PRKAG2: variants seen among roughly 807,000 people sequenced by gnomAD.
PRKAG2 encodes 5'-AMP-activated protein kinase subunit gamma-2.
Under a neutral mutation model 69.6 loss-of-function variants are expected in PRKAG2, and 26 were observed. The observed-to-expected ratio is 0.37, with a 90% CI of 0.27 to 0.52. The LOEUF is 0.52. Among genes scored for constraint, PRKAG2 ranks in the 20% least tolerant of loss-of-function variants. The probability of loss-of-function intolerance (pLI) is 0.90; values close to 1 mark genes in which losing one functional copy is unlikely to be tolerated. For synonymous variants in PRKAG2, 293 were observed against 285.0 expected (o/e 1.03, Z -0.28); for missense variants, 557 against 740.0 (o/e 0.75, Z 2.87).
Position 151,700,980 on chromosome 7 carries a change from G to A in PRKAG2, c.467-25343C>T, listed in dbSNP as rs149204947. On this transcript the variant is annotated intron_variant, in intron 3 of 15. Coordinates refer to ENST00000287878, the MANE Select transcript of PRKAG2 (RefSeq NM_016203.4). ...CACAGGCGAGACCACAGAGCATTATGCAGCCTTGATGTGCCAACTGAGTCA... is the reference window on the plus strand; with the variant it reads ...CACAGGCGAGACCACAGAGCATTATACAGCCTTGATGTGCCAACTGAGTCA... Among the ~76,000 whole-genome samples, 12 of 152,350 alleles carry A rather than the reference G, an allele frequency of 7.9e-5. No homozygotes were observed. The East Asian group carries it at 1.7e-3, about 22-fold the overall frequency.
chr7:151,758,386 T>C (rs1366734914), intron 3 of PRKAG2, among the ~76,000 whole-genome samples: 1 of 152,258 alleles, frequency 6.6e-6, no homozygotes, highest in Non-Finnish European at 1.5e-5. Context: ...GTTTTGATGC[T>C]AGGAATTCTT....
At position 151,788,237 on chromosome 7, in the gene PRKAG2, T is replaced by A. The variant is rs947871266; in HGVS notation, c.115-1696A>T. On this transcript the variant is annotated intron_variant, in intron 1 of 15. Coordinates refer to ENST00000287878, the MANE Select transcript of PRKAG2 (RefSeq NM_016203.4). The surrounding 1 kb of genome is among the most constrained non-coding windows in gnomAD (Gnocchi z 4.6). ...CACCCACAGTACACAGGGTTTCAAT[T>A]TCTCCACATCCTCATCAACACTTGT... is the stretch of plus-strand genomic sequence containing the variant. 1.3e-5 allele frequency among the ~76,000 whole-genome samples: 2 copies of A among 152,180 alleles called. No individual in the cohort carries two copies. Among genetic ancestry groups the A allele is most frequent in the African/African-American group, 4.8e-5 (2 of 41,446 alleles).
intron 1 of PRKAG2, among the ~76,000 whole-genome samples, chr7:151,821,513 C>T (rs1237519062): frequency 2.6e-5 from 4 of 152,178 alleles, no homozygotes; most frequent in African/African-American, 4.8e-5. Flanking sequence ...CAGAAGGCCC[C>T]GGGCTGCCCA....
At position 151,632,401 on chromosome 7, in the gene PRKAG2, C is replaced by T. The variant is rs1410286520; in HGVS notation, c.685-263G>A. 2.0e-6 allele frequency: 1 copy of T among 502,136 alleles called. No individual in the cohort carries two copies. Among genetic ancestry groups the T allele is most frequent in the Non-Finnish European group, 2.6e-6 (1 of 389,910 alleles). 31.1% of individuals were successfully genotyped at this position (502,136 alleles called of 1,614,324 possible). A position where few individuals can be genotyped will look rare whatever the true frequency, so the allele number is the denominator to read the frequency against. Reference sequence around the variant, plus strand: ...TGGGACGCGCCGCTCCCCCCCGCGCCTTGGTACGGCCCGCCCGGGAGGAAG... The same window carrying T: ...TGGGACGCGCCGCTCCCCCCCGCGCTTTGGTACGGCCCGCCCGGGAGGAAG... On this transcript the variant is annotated intron_variant, in intron 4 of 15. Transcript: ENST00000287878. This position sits in a 1 kb window ranked among gnomAD's most constrained non-coding sequence, Gnocchi z 4.2.
chr7:151,688,666 G>A (rs778754960), intron 3 of PRKAG2, among the ~76,000 whole-genome samples: 2 of 152,178 alleles, frequency 1.3e-5, no homozygotes, highest in African/African-American at 4.8e-5. Flanking sequence ...GAAATTCCTG[G>A]TTGTTGACAA....
At chr7:151,606,487 A>G (rs1395948273) in intron 5 of PRKAG2, among the ~76,000 whole-genome samples, 1 of 152,064 alleles carries the variant, frequency 6.6e-6, no homozygotes, top group African/African-American at 2.4e-5. Flanking sequence ...AACAAAACCC[A>G]CCCAAATTGT....
intron 5 of PRKAG2, among the ~76,000 whole-genome samples, chr7:151,609,295 A>G (rs935273824): frequency 2.1e-5 from 3 of 144,928 alleles, no homozygotes; most frequent in Non-Finnish European, 4.4e-5. Context: ...ATTTTAATTT[A>G]GAAAGAATTT....
At chr7:151,674,301 C>A (rs1832552849) in intron 4 of PRKAG2, among the ~76,000 whole-genome samples, 1 of 152,174 alleles carries the variant, frequency 6.6e-6, no homozygotes, top group Non-Finnish European at 1.5e-5. Context: ...TGTAGCCCTG[C>A]CAACACCTTG....
chr7:151,784,463 T>C (rs2151812481), intron 2 of PRKAG2, among the ~76,000 whole-genome samples: 1 of 152,272 alleles, frequency 6.6e-6, no homozygotes, highest in South Asian at 2.1e-4. Flanking sequence ...GGCCCGGAGC[T>C]GAAACCTGCC....
At chr7:151,591,751 G>A (rs920533372) in intron 6 of PRKAG2, among the ~76,000 whole-genome samples, 2 of 152,160 alleles carry the variant, frequency 1.3e-5, no homozygotes, top group Non-Finnish European at 2.9e-5. Context: ...GACCCAGCAA[G>A]GTTGATATTA....
At chr7:151,596,441 A>G (rs185045369) in intron 5 of PRKAG2, among the ~76,000 whole-genome samples, 379 of 152,324 alleles carry the variant, frequency 2.5e-3, no homozygotes, top group Non-Finnish European at 4.3e-3. Flanking sequence ...TGAAAACTAT[A>G]AAACACTGAT....
chr7:151,658,526 T>C (rs865988803), intron 4 of PRKAG2, among the ~76,000 whole-genome samples: 41 of 150,080 alleles, frequency 2.7e-4, no homozygotes, highest in African/African-American at 7.3e-4. Context: ...CCAGAGCACC[T>C]ACAAAGTAAG....
At position 151,632,037 on chromosome 7, in the gene PRKAG2, C is replaced by A; in HGVS notation, c.754+32G>T. On this transcript the variant is annotated intron_variant, in intron 5 of 15. Coordinates refer to ENST00000287878, the MANE Select transcript of PRKAG2 (RefSeq NM_016203.4). The surrounding 1 kb of genome is among the most constrained non-coding windows in gnomAD (Gnocchi z 4.2). The stretch of plus-strand genomic sequence containing the variant: ...TCCTCGGGCGGCCGGGCCGTGGGAG[C>A]GCCGGGCCGGCAGCGGGCGGGGCGC... The A allele has an allele frequency of 7.6e-7, 1 of 1,319,626 alleles. No homozygotes were observed. The highest frequency in any genetic ancestry group is 3.4e-5 in the East Asian group (1 of 29,174). The allele number at this position is 1,319,626 out of a possible 1,614,324, so 81.7% of individuals were successfully genotyped here.
chr7:151,746,163 G>A (rs577973675), intron 3 of PRKAG2, among the ~76,000 whole-genome samples: 5 of 152,348 alleles, frequency 3.3e-5, no homozygotes, highest in East Asian at 3.9e-4. Flanking sequence ...CGGACTCAGC[G>A]GAAAGCCAGT....
At chr7:151,595,570 C>T in intron 5 of PRKAG2, 116 bp from the exon 6 acceptor site, 1 of 775,532 alleles carries the variant, frequency 1.3e-6, no homozygotes, top group Non-Finnish European at 2.2e-6. Flanking sequence ...AAATGTTTTC[C>T]CAGTATGATC....
intron 3 of PRKAG2, among the ~76,000 whole-genome samples, chr7:151,768,233 T>C (rs370611659): frequency 6.6e-6 from 1 of 152,176 alleles, no homozygotes; most frequent in East Asian, 1.9e-4. Flanking sequence ...AGTATTACTC[T>C]GTGGAGAGCT....
chr7:151,832,522 C>A (rs376578456), intron 1 of PRKAG2, among the ~76,000 whole-genome samples: 2 of 151,914 alleles, frequency 1.3e-5, no homozygotes, highest in East Asian at 1.9e-4. Flanking sequence ...GGCTGAACAC[C>A]CCCTCAGAGG....
chr7:151,686,718 C>G (rs1834799098), intron 3 of PRKAG2, among the ~76,000 whole-genome samples: 1 of 152,154 alleles, frequency 6.6e-6, no homozygotes, highest in Admixed American at 6.5e-5. Flanking sequence ...GGACTCTGGC[C>G]CCTTTATAGC....
intron 6 of PRKAG2, among the ~76,000 whole-genome samples, chr7:151,590,449 AC>A (rs1812781636): frequency 6.6e-6 from 1 of 152,200 alleles, no homozygotes; most frequent in Admixed American, 6.5e-5. Context: ...AAGGAGTGGG[AC>A]CCTGGCACCG....
Sources: gnomAD v4.1 joint callset for allele counts (sites outside exome capture counted in the v4.1 genomes callset) on GRCh38, gnomAD v4.1.1 for gene constraint, Gnocchi (gnomAD v3.1) non-coding constraint, MANE v1.5 for transcripts, NCBI Gene and HGNC (gene_info 2026-07-23, HGNC 2026-07-21) for gene names.